PRKG1: variants seen among roughly 807,000 people sequenced by gnomAD.
PRKG1 encodes protein kinase cGMP-dependent 1, also known as cGMP-dependent protein kinase 1.
PRKG1 carries 35 observed loss-of-function variants against 88.1 expected under a neutral mutation model. That is an observed-to-expected ratio of 0.40 (90% CI 0.30 to 0.53). PRKG1 has a LOEUF of 0.53. Ranked by LOEUF, PRKG1 falls within the 20% of genes least tolerant of loss-of-function variation. The pLI is 0.59. For synonymous variants in PRKG1, 303 were observed against 292.5 expected, an observed-to-expected ratio of 1.04 and a Z score of -0.37; for missense variants, 540 against 839.8, an observed-to-expected ratio of 0.64 and a Z score of 4.41.
At chr10:51,288,970 G>C (rs1840514017) in intron 2 of PRKG1, among the ~76,000 whole-genome samples, 1 of 152,012 alleles carries the variant, frequency 6.6e-6, no homozygotes, top group Non-Finnish European at 1.5e-5. Flanking sequence ...AAAGGGCTTA[G>C]TGCATAAAAT....
chr10:51,581,175 T>C (rs947894147), intron 3 of PRKG1, among the ~76,000 whole-genome samples: 1 of 152,178 alleles, frequency 6.6e-6, no homozygotes, highest in African/African-American at 2.4e-5. Flanking sequence ...ATAACATCTG[T>C]ATGCAGAAGT....
At position 52,233,984 on chromosome 10, in the gene PRKG1, C is replaced by T. The variant is rs1304682502; in HGVS notation, c.1077-17586C>T. On this transcript the variant is annotated intron_variant, in intron 9 of 17. Transcript: ENST00000373980. ...GGAGATCTGAGAACCGGCAGACTGC[C>T]TCCTCAAGTGGGTCCCTGACCCCTG... Among the ~76,000 whole-genome samples, 3 of 152,006 alleles carry T rather than the reference C, an allele frequency of 2.0e-5. No homozygotes were observed. The East Asian group carries it at 5.9e-4, about 30-fold the overall frequency.
At chr10:51,710,452 T>C (rs1348781685) in intron 3 of PRKG1, among the ~76,000 whole-genome samples, 2 of 152,170 alleles carry the variant, frequency 1.3e-5, no homozygotes, top group Non-Finnish European at 2.9e-5. Context: ...TGATTTATAG[T>C]GGCATTCCAC....
chr10:51,863,356 C>T (rs1052681984), intron 4 of PRKG1, among the ~76,000 whole-genome samples: 1 of 152,190 alleles, frequency 6.6e-6, no homozygotes, highest in African/African-American at 2.4e-5. Context: ...TTCAAAAGTA[C>T]TTGTCACTTG....
At chr10:51,002,463 G>A (rs1053080944) in intron 1 of PRKG1, among the ~76,000 whole-genome samples, 1 of 152,054 alleles carries the variant, frequency 6.6e-6, no homozygotes, top group African/African-American at 2.4e-5. Context: ...ATATTTTTAA[G>A]AGAATAGCAA....
chr10:51,095,383 T>A (rs1369417390), intron 1 of PRKG1, among the ~76,000 whole-genome samples: 8 of 152,148 alleles, frequency 5.3e-5, no homozygotes, highest in Admixed American at 5.2e-4. Flanking sequence ...ATCAAATACC[T>A]AAACGCTGGT....
chr10:51,139,937 A>G (rs1845783495), intron 1 of PRKG1, among the ~76,000 whole-genome samples: 1 of 152,166 alleles, frequency 6.6e-6, no homozygotes, highest in Non-Finnish European at 1.5e-5. Flanking sequence ...ATTCTTTCTC[A>G]CCATCTGCAA....
intron 1 of PRKG1, among the ~76,000 whole-genome samples, chr10:51,047,388 C>T (rs895337260): frequency 2.0e-5 from 3 of 152,094 alleles, no homozygotes; most frequent in Non-Finnish European, 4.4e-5. Context: ...AAACACGTAG[C>T]TTGTTGCCTG....
intron 2 of PRKG1, among the ~76,000 whole-genome samples, chr10:51,383,115 C>T (rs558246948): frequency 1.3e-5 from 2 of 152,246 alleles, no homozygotes; most frequent in South Asian, 2.1e-4. Flanking sequence ...TTTACTTCCC[C>T]TGTTTCCCAC....
At chr10:51,699,689 C>T in intron 3 of PRKG1, 1 of 868,370 alleles carries the variant, frequency 1.2e-6, no homozygotes, top group South Asian at 1.7e-5. Context: ...GTTCCGCTTG[C>T]CTGTGGAACC....
At chr10:52,180,470 G>T (rs374426807) in intron 9 of PRKG1, among the ~76,000 whole-genome samples, 43 of 152,160 alleles carry the variant, frequency 2.8e-4, no homozygotes, top group African/African-American at 9.2e-4. Flanking sequence ...TCCCAGTGTT[G>T]ATTTCCATTC....
At chr10:51,914,221 TAA>T (rs11297162) in intron 5 of PRKG1, among the ~76,000 whole-genome samples, 9 of 142,526 alleles carry the variant, frequency 6.3e-5, no homozygotes, top group Admixed American at 7.1e-5. Context: ...AGTGAGAAAA[TAA>T]AAAAAAAAAA....
chr10:52,264,928 TC>T (rs1294308669), intron 10 of PRKG1, among the ~76,000 whole-genome samples: 1 of 152,050 alleles, frequency 6.6e-6, no homozygotes, highest in Non-Finnish European at 1.5e-5. Flanking sequence ...GAGAGGACCA[TC>T]ATGTTTCCTT....
chr10:51,917,274 G>A (rs183985584), intron 5 of PRKG1, among the ~76,000 whole-genome samples: 45 of 148,838 alleles, frequency 3.0e-4, no homozygotes, highest in African/African-American at 6.5e-4. Context: ...GGCCAAGATC[G>A]TGCCACTGCA....
chr10:51,659,286 A>T (rs1840237269), intron 3 of PRKG1, among the ~76,000 whole-genome samples: 1 of 152,104 alleles, frequency 6.6e-6, no homozygotes, highest in South Asian at 2.1e-4. Context: ...CAGGGATGAC[A>T]GTTCGCTCAA....
chr10:51,719,584 C>T (rs1438145527), intron 3 of PRKG1, among the ~76,000 whole-genome samples: 1 of 152,066 alleles, frequency 6.6e-6, no homozygotes, highest in African/African-American at 2.4e-5. Flanking sequence ...AAATGCAACA[C>T]AAAATCCTGG....
chr10:52,098,472 G>C (rs1847222986), intron 7 of PRKG1, among the ~76,000 whole-genome samples: 1 of 152,150 alleles, frequency 6.6e-6, no homozygotes, highest in East Asian at 1.9e-4. Flanking sequence ...TCCAGGTACT[G>C]CATAAAATGT....
chr10:51,947,511 C>G, intron 5 of PRKG1, among the ~76,000 whole-genome samples: 1 of 152,218 alleles, frequency 6.6e-6, no homozygotes, highest in Non-Finnish European at 1.5e-5. Flanking sequence ...GTGAGATGAA[C>G]CCGGTACCTC....
chr10:51,870,081 G>T (rs1198185258), intron 4 of PRKG1, among the ~76,000 whole-genome samples: 4 of 151,968 alleles, frequency 2.6e-5, no homozygotes, highest in South Asian at 2.1e-4. Flanking sequence ...TATTTTCCAA[G>T]TTTAAAAAAA....
Sources: allele counts gnomAD v4.1 joint callset (sites outside exome capture counted in the v4.1 genomes callset), GRCh38; gene constraint gnomAD v4.1.1; transcripts MANE v1.5; gene names NCBI Gene and HGNC (gene_info 2026-07-23, HGNC 2026-07-21).